NDFIP2: variants seen among roughly 807,000 people sequenced by gnomAD.
The protein encoded by NDFIP2 is NEDD4 family-interacting protein 2.
In NDFIP2, 19 loss-of-function variants were observed where a neutral mutation model predicts 36.0. The observed-to-expected ratio is 0.53, with a 90% CI of 0.37 to 0.77. The LOEUF is 0.77. Among genes scored for constraint, NDFIP2 ranks in the 30% least tolerant of loss-of-function variants. The pLI is 0.00. For synonymous variants in NDFIP2, 181 were observed against 167.7 expected (o/e 1.08, Z -0.61); for missense variants, 446 against 435.8 (o/e 1.02, Z -0.21).
chr13:79,528,582 T>A (rs1729826538), intron 2 of NDFIP2, among the ~76,000 whole-genome samples: 1 of 152,188 alleles, frequency 6.6e-6, no homozygotes, highest in African/African-American at 2.4e-5. Flanking sequence ...CAACTTCCAG[T>A]CTTCTAAGCT....
rs1479259641 is a variant in NDFIP2 at position 79,543,432 on chromosome 13, CT to C, written c.716-124del. ...AGTAGGCTATAGTCTATAAAGAAGG[CT>C]TAATTGGCAGAGTTAAAAGAAAGGG... On this transcript the variant is annotated intron_variant, in intron 4 of 7. Transcript: ENST00000218652. 7.4e-6 allele frequency: 9 copies of C among 1,220,746 alleles called. No individual in the cohort carries two copies. The African/African-American group carries it at 1.2e-4, about 17-fold the overall frequency. The allele number at this position is 1,220,746 out of a possible 1,614,324, so 75.6% of individuals were successfully genotyped here.
chr13:79,542,136 T>C (rs773954772), intron 4 of NDFIP2, among the ~76,000 whole-genome samples: 11 of 152,220 alleles, frequency 7.2e-5, no homozygotes, highest in Non-Finnish European at 1.6e-4. Flanking sequence ...TGACAGTCTA[T>C]GGAAATGACC....
chr13:79,499,670 CTG>C (rs150875697), intron 1 of NDFIP2, among the ~76,000 whole-genome samples: 1,538 of 151,880 alleles, frequency 0.01, 23 homozygotes, highest in African/African-American at 0.035. Context: ...ATCTAACAAA[CTG>C]TGGACAAGAT....
chr13:79,486,559 A>G (rs1872997172), intron 1 of NDFIP2, among the ~76,000 whole-genome samples: 1 of 152,214 alleles, frequency 6.6e-6, no homozygotes, highest in Admixed American at 6.5e-5. Context: ...ATTAAAATGC[A>G]CAAATCTTAC....
chr13:79,542,512 G>GTT (rs1291989853), intron 4 of NDFIP2, among the ~76,000 whole-genome samples: 2 of 143,120 alleles, frequency 1.4e-5, no homozygotes, highest in African/African-American at 2.6e-5. Flanking sequence ...TCTGTTTTTT[G>GTT]TTTTTTTTTT....
At chr13:79,543,480 A>T in intron 4 of NDFIP2, 78 bp from the exon 5 acceptor site, 1 of 1,543,074 alleles carries the variant, frequency 6.5e-7, no homozygotes, top group Non-Finnish European at 8.9e-7. Context: ...CCATTGAGCC[A>T]TGAAATATTA....
chr13:79,537,642 A>G (rs1221469843), intron 3 of NDFIP2, among the ~76,000 whole-genome samples: 1 of 152,226 alleles, frequency 6.6e-6, no homozygotes, highest in Non-Finnish European at 1.5e-5. Context: ...TAAGCAATAT[A>G]AAATGGTTTT....
chr13:79,500,381 C>A (rs1873611445), intron 1 of NDFIP2, among the ~76,000 whole-genome samples: 1 of 151,862 alleles, frequency 6.6e-6, no homozygotes, highest in African/African-American at 2.4e-5. Flanking sequence ...AATTTCTGCT[C>A]TGTGAAAGAT....
At chr13:79,527,527 G>C (rs1354508213) in intron 2 of NDFIP2, among the ~76,000 whole-genome samples, 2 of 152,124 alleles carry the variant, frequency 1.3e-5, no homozygotes, top group African/African-American at 2.4e-5. Flanking sequence ...GTATACAATG[G>C]TGCTGAAAAA....
chr13:79,528,472 G>T (rs1359849586), intron 2 of NDFIP2, among the ~76,000 whole-genome samples: 1 of 151,844 alleles, frequency 6.6e-6, no homozygotes, highest in Non-Finnish European at 1.5e-5. Context: ...ATAAATCTAG[G>T]GTAGCCTAGG....
chr13:79,551,557 G>C (rs1421159983), intron 7 of NDFIP2, among the ~76,000 whole-genome samples: 1 of 151,392 alleles, frequency 6.6e-6, no homozygotes, highest in Non-Finnish European at 1.5e-5. Context: ...AAATCTGATT[G>C]AAAAACAATT....
chr13:79,523,443 C>T (rs1327152138), intron 2 of NDFIP2, among the ~76,000 whole-genome samples: 1 of 152,190 alleles, frequency 6.6e-6, no homozygotes, highest in African/African-American at 2.4e-5. Flanking sequence ...TGGTCTCGAA[C>T]TCCTGACCTA....
intron 2 of NDFIP2, among the ~76,000 whole-genome samples, chr13:79,521,816 C>T (rs896548741): frequency 1.4e-5 from 2 of 145,404 alleles, no homozygotes; most frequent in Non-Finnish European, 3.0e-5. Context: ...ATTTGGTTTT[C>T]GTTTTGCTTT....
intron 1 of NDFIP2, among the ~76,000 whole-genome samples, chr13:79,499,363 A>G (rs985554253): frequency 6.6e-6 from 1 of 151,996 alleles, no homozygotes. Flanking sequence ...ACATCATACT[A>G]GAAGTTCTAG....
chr13:79,553,003 A>T lies in NDFIP2; in HGVS notation c.*490A>T, dbSNP rs1875964302. ...ATCTTTTGTTATATAAGGTGTATTG[A>T]AACCTGCAGTGCTGATTATTAGAAA... On this transcript the variant is annotated 3_prime_UTR_variant, in exon 8 of 8. Transcript: ENST00000218652. 1 of 151,860 alleles carries T rather than the reference A, an allele frequency of 6.6e-6. No homozygotes were observed. The highest frequency in any genetic ancestry group is 1.5e-5 in the Non-Finnish European group (1 of 67,490). 9.4% of individuals were successfully genotyped at this position (151,860 alleles called of 1,614,324 possible).
At chr13:79,509,860 CAGGGCAGCT>C (rs1024125544) in intron 1 of NDFIP2, among the ~76,000 whole-genome samples, 10 of 152,112 alleles carry the variant, frequency 6.6e-5, no homozygotes, top group African/African-American at 2.4e-4. Context: ...AAGATGTAAG[CAGGGCAGCT>C]AGGCCAGTCT....
chr13:79,547,901 C>T (rs1041315671), intron 5 of NDFIP2, among the ~76,000 whole-genome samples: 1 of 151,970 alleles, frequency 6.6e-6, no homozygotes, highest in African/African-American at 2.4e-5. Flanking sequence ...CAGAACACCC[C>T]CATCTGATAA....
chr13:79,551,700 A>G (rs1390811117), intron 7 of NDFIP2, among the ~76,000 whole-genome samples: 1 of 151,510 alleles, frequency 6.6e-6, no homozygotes, highest in African/African-American at 2.4e-5. Context: ...AAGTAGGAAT[A>G]TGAAGAAATG....
intron 1 of NDFIP2, among the ~76,000 whole-genome samples, chr13:79,499,091 A>T (rs73551555): frequency 6.6e-6 from 1 of 151,942 alleles, no homozygotes; most frequent in African/African-American, 2.4e-5. Flanking sequence ...TGCAAGGCTG[A>T]TTCAAGATTC....
Sources: allele counts gnomAD v4.1 joint callset (sites outside exome capture counted in the v4.1 genomes callset), GRCh38; gene constraint gnomAD v4.1.1; transcripts MANE v1.5; gene names NCBI Gene and HGNC (gene_info 2026-07-23, HGNC 2026-07-21).